CNTN5: variants seen among roughly 807,000 people sequenced by gnomAD.
The protein encoded by CNTN5 is contactin 5, also known as contactin-5.
CNTN5 carries 77 observed loss-of-function variants against 129.1 expected under a neutral mutation model. That is an observed-to-expected ratio of 0.60 (90% CI 0.50 to 0.72). The LOEUF (loss-of-function observed/expected upper bound fraction) is 0.72, where lower values mean the gene tolerates loss of function less well. CNTN5 is among the 30% of genes least tolerant of loss of function. The probability of loss-of-function intolerance (pLI) is 0.00; values close to 1 mark genes in which losing one functional copy is unlikely to be tolerated. For synonymous variants in CNTN5, 509 were observed against 465.6 expected (o/e 1.09, Z -1.20); for missense variants, 1,478 against 1,328.8 (o/e 1.11, Z -1.75).
intron 7 of CNTN5, among the ~76,000 whole-genome samples, chr11:99,934,598 T>C (rs1950264933): frequency 6.6e-6 from 1 of 151,856 alleles, no homozygotes; most frequent in Admixed American, 6.6e-5. Flanking sequence ...AAATTGAAAA[T>C]CAAAATATGG....
At chr11:99,924,613 T>C (rs1950018958) in intron 7 of CNTN5, among the ~76,000 whole-genome samples, 3 of 152,282 alleles carry the variant, frequency 2.0e-5, no homozygotes, top group Middle Eastern at 3.4e-3. Flanking sequence ...ACCAGTACTA[T>C]ACTGTTTTGG....
intron 1 of CNTN5, among the ~76,000 whole-genome samples, chr11:99,227,195 C>A (rs1860734318): frequency 6.6e-6 from 1 of 151,708 alleles, no homozygotes. Context: ...CCCGTCTGTA[C>A]TAAAAATACA....
At chr11:99,761,187 T>C (rs1346057907) in intron 3 of CNTN5, among the ~76,000 whole-genome samples, 2 of 152,142 alleles carry the variant, frequency 1.3e-5, no homozygotes, top group South Asian at 4.1e-4. Flanking sequence ...TGTTCAGAGT[T>C]GAAGGAGGTT....
rs116089468 is a variant in CNTN5, at chr11:99,831,022, G to T, written c.277+11257G>T. On this transcript the variant is annotated intron_variant, in intron 4 of 24. Coordinates refer to ENST00000524871, the MANE Select transcript of CNTN5 (RefSeq NM_014361.4). ...AATAGTGGATTTTGGATTATAAATGGAAAGGAGAAAGAATAATGTCCACCT... is the reference window on the plus strand; with the variant it reads ...AATAGTGGATTTTGGATTATAAATGTAAAGGAGAAAGAATAATGTCCACCT... 4.2e-3 allele frequency among the ~76,000 whole-genome samples: 635 copies of T among 152,164 alleles called. 10 individuals are homozygous for T. The highest frequency in any genetic ancestry group is 0.014 in the African/African-American group (600 of 41,504).
intron 3 of CNTN5, among the ~76,000 whole-genome samples, chr11:99,732,293 G>C (rs1591055377): frequency 6.6e-6 from 1 of 152,192 alleles, no homozygotes; most frequent in Non-Finnish European, 1.5e-5. Flanking sequence ...GATATCAGGG[G>C]TGATGAGAGG....
Position 100,029,310 on chromosome 11 carries a change from C to T in CNTN5, c.980+27174C>T, listed in dbSNP as rs549059844. Among the ~76,000 whole-genome samples the T allele has an allele frequency of 7.2e-5, 11 of 151,962 alleles. No homozygotes were observed. The South Asian group carries it at 1.3e-3, about 17-fold the overall frequency. On this transcript the variant is annotated intron_variant, in intron 9 of 24. Transcript: ENST00000524871. ...TAAAAACATGCTAATTGGCCGGGCGCGGTGGCTCACGCCTGTAATCCCAGC... is the reference window on the plus strand; with the variant it reads ...TAAAAACATGCTAATTGGCCGGGCGTGGTGGCTCACGCCTGTAATCCCAGC...
intron 13 of CNTN5, among the ~76,000 whole-genome samples, chr11:100,117,033 C>A (rs1159754836): frequency 6.6e-6 from 1 of 151,884 alleles, no homozygotes; most frequent in Non-Finnish European, 1.5e-5. Flanking sequence ...ATGGTCAGCA[C>A]TACTTGCTTG....
At chr11:99,462,483 T>C (rs188750786) in intron 2 of CNTN5, among the ~76,000 whole-genome samples, 1 of 152,036 alleles carries the variant, frequency 6.6e-6, no homozygotes, top group East Asian at 1.9e-4. Flanking sequence ...GGAAGAAATA[T>C]TAGCTCAACA....
At chr11:99,058,538 A>C (rs977972257) in intron 1 of CNTN5, among the ~76,000 whole-genome samples, 2 of 152,156 alleles carry the variant, frequency 1.3e-5, no homozygotes, top group Non-Finnish European at 1.5e-5. Flanking sequence ...CCACACATAC[A>C]TAGAAAGTTA....
chr11:99,227,918 G>A (rs553443103), intron 1 of CNTN5, among the ~76,000 whole-genome samples: 101 of 152,024 alleles, frequency 6.6e-4, no homozygotes, highest in African/African-American at 1.2e-3. Flanking sequence ...TGATTTATAC[G>A]CACTATTGAA....
At chr11:100,071,325 C>A (rs1428870575) in intron 11 of CNTN5, among the ~76,000 whole-genome samples, 2 of 152,028 alleles carry the variant, frequency 1.3e-5, no homozygotes, top group Non-Finnish European at 2.9e-5. Context: ...GTGTCTACAA[C>A]CTCAGTCTTT....
intron 9 of CNTN5, among the ~76,000 whole-genome samples, chr11:100,052,719 T>G (rs574471945): frequency 1.3e-5 from 2 of 151,832 alleles, no homozygotes; most frequent in South Asian, 2.1e-4. Context: ...CTTCTGAAAC[T>G]TACATGAAAT....
intron 3 of CNTN5, among the ~76,000 whole-genome samples, chr11:99,801,311 G>C (rs1447837546): frequency 6.6e-6 from 1 of 152,132 alleles, no homozygotes; most frequent in Non-Finnish European, 1.5e-5. Context: ...CAGTTAATCT[G>C]ATGAGGTCCT....
chr11:99,323,850 T>C (rs752604431), intron 1 of CNTN5, among the ~76,000 whole-genome samples: 9 of 150,572 alleles, frequency 6.0e-5, no homozygotes, highest in Non-Finnish European at 1.2e-4. Context: ...TGTTACAATA[T>C]TAAGAAAAGA....
chr11:100,211,474 A>G (rs1181391433), intron 15 of CNTN5, among the ~76,000 whole-genome samples: 5 of 136,724 alleles, frequency 3.7e-5, no homozygotes, highest in African/African-American at 1.2e-4. Context: ...GATATTGGGA[A>G]AAAAAAAAAG....
chr11:100,037,107 G>C (rs1261466698), intron 9 of CNTN5, among the ~76,000 whole-genome samples: 3 of 151,796 alleles, frequency 2.0e-5, no homozygotes, highest in Admixed American at 6.6e-5. Context: ...CTGTGGGTTT[G>C]TCATGGATAG....
intron 3 of CNTN5, among the ~76,000 whole-genome samples, chr11:99,620,290 T>TTTTTAATA (rs1283499722): frequency 4.6e-5 from 7 of 151,934 alleles, no homozygotes; most frequent in South Asian, 2.1e-4. Flanking sequence ...CCAGAACCTC[T>TTTTTAATA]TTTTAATATT....
chr11:99,276,793 ATT>A (rs1176399062), intron 1 of CNTN5, among the ~76,000 whole-genome samples: 1 of 151,470 alleles, frequency 6.6e-6, no homozygotes, highest in East Asian at 1.9e-4. Flanking sequence ...AAGGGCTACT[ATT>A]TCTATCAAGT....
At chr11:99,614,088 C>T (rs972021683) in intron 3 of CNTN5, among the ~76,000 whole-genome samples, 3 of 152,108 alleles carry the variant, frequency 2.0e-5, no homozygotes, top group African/African-American at 7.2e-5. Context: ...TTCTGTCAGT[C>T]AAAATAAACT....
Sources: allele counts gnomAD v4.1 joint callset (sites outside exome capture counted in the v4.1 genomes callset), GRCh38; gene constraint gnomAD v4.1.1; transcripts MANE v1.5; gene names NCBI Gene and HGNC (gene_info 2026-07-23, HGNC 2026-07-21).